Variants in SLCO1A2 observed in about 807,000 individuals in gnomAD.
The protein encoded by SLCO1A2 is OATP-1.
In SLCO1A2, 67 loss-of-function variants were observed where a neutral mutation model predicts 69.0. The observed-to-expected ratio is 0.97, with a 90% CI of 0.80 to 1.19. The LOEUF (loss-of-function observed/expected upper bound fraction) is 1.19. Among genes scored for constraint, SLCO1A2 ranks in the 50% most tolerant of loss-of-function variants. The pLI, the probability that SLCO1A2 is intolerant of heterozygous loss-of-function variation, is 0.00. For missense variants in SLCO1A2, 787 were observed against 793.7 expected (o/e 0.99, Z 0.10); for synonymous variants, 260 against 265.9 (o/e 0.98, Z 0.22).
intron 2 of SLCO1A2, chr12:21,374,306 G>A (rs1049596745): frequency 6.6e-6 from 1 of 152,236 alleles, no homozygotes; most frequent in African/African-American, 2.4e-5. Context: ...ATAACATAGT[G>A]AGGATTTGTT....
At chr12:21,321,392 TTACTC>T (rs1385851145) in intron 2 of SLCO1A2, among the ~76,000 whole-genome samples, 1 of 152,194 alleles carries the variant, frequency 6.6e-6, no homozygotes, top group African/African-American at 2.4e-5. Flanking sequence ...GAAATCCTGT[TTACTC>T]TCCTCTAGCC....
intron 1 of SLCO1A2, among the ~76,000 whole-genome samples, chr12:21,409,237 C>A (rs906430415): frequency 2.6e-5 from 4 of 152,130 alleles, no homozygotes; most frequent in African/African-American, 7.2e-5. Context: ...TCATTAAACT[C>A]TAAGACATGG....
intron 12 of SLCO1A2, among the ~76,000 whole-genome samples, chr12:21,291,246 A>G (rs1489376110): frequency 6.6e-6 from 1 of 152,200 alleles, no homozygotes; most frequent in Non-Finnish European, 1.5e-5. Context: ...ATGAATCGGA[A>G]CAAGACTTAA....
intron 2 of SLCO1A2, among the ~76,000 whole-genome samples, chr12:21,363,103 C>A (rs1419203340): frequency 2.0e-5 from 3 of 152,190 alleles, no homozygotes; most frequent in Admixed American, 1.3e-4. Context: ...TTCTTCTCAG[C>A]AACACATCAC....
At chr12:21,280,303 T>TA (rs998168839) in intron 12 of SLCO1A2, among the ~76,000 whole-genome samples, 16 of 152,052 alleles carry the variant, frequency 1.1e-4, no homozygotes, top group African/African-American at 3.4e-4. Context: ...TGAATGGATT[T>TA]AAAAAAATAC....
At chr12:21,369,656 T>C (rs1939642901) in intron 2 of SLCO1A2, among the ~76,000 whole-genome samples, 1 of 152,202 alleles carries the variant, frequency 6.6e-6, no homozygotes, top group Non-Finnish European at 1.5e-5. Flanking sequence ...GTGTATGCAA[T>C]TGCTAAGGAA....
intron 14 of SLCO1A2, among the ~76,000 whole-genome samples, chr12:21,271,845 T>C (rs1464828021): frequency 6.7e-6 from 1 of 148,592 alleles, no homozygotes; most frequent in Non-Finnish European, 1.5e-5. Context: ...TACATATTTA[T>C]ATACATATAT....
At chr12:21,349,363 C>T (rs891602413) in intron 2 of SLCO1A2, among the ~76,000 whole-genome samples, 6 of 152,102 alleles carry the variant, frequency 3.9e-5, no homozygotes, top group Non-Finnish European at 8.8e-5. Context: ...TTCTACTTTT[C>T]ATGTTTTGGT....
intron 12 of SLCO1A2, among the ~76,000 whole-genome samples, chr12:21,285,635 C>G (rs1176293536): frequency 7.3e-6 from 1 of 136,146 alleles, no homozygotes; most frequent in Admixed American, 7.7e-5. Context: ...CCGAATCCAG[C>G]AGCACATCAA....
chr12:21,358,285 CA>C (rs1206112746), intron 2 of SLCO1A2, among the ~76,000 whole-genome samples: 1 of 152,124 alleles, frequency 6.6e-6, no homozygotes, highest in African/African-American at 2.4e-5. Flanking sequence ...CAGCTTTTTA[CA>C]TAGAAAATAG....
intron 10 of SLCO1A2, chr12:21,295,281 T>C (rs1947531851): frequency 4.6e-6 from 1 of 217,672 alleles, no homozygotes; most frequent in African/African-American, 2.3e-5. Context: ...CATATTTTAA[T>C]ACAACCTGAA....
chr12:21,406,416 A>G (rs1941825387), intron 1 of SLCO1A2, among the ~76,000 whole-genome samples: 2 of 152,250 alleles, frequency 1.3e-5, no homozygotes, highest in African/African-American at 4.8e-5. Context: ...TGGCTTCAAA[A>G]GTAAGGGGAG....
At position 21,294,126 on chromosome 12, in the gene SLCO1A2, A is replaced by C; in HGVS notation, c.1272-16T>G. On this transcript the variant is annotated splice_polypyrimidine_tract_variant and intron_variant, in intron 10 of 14. Transcript: ENST00000683939. The stretch of plus-strand genomic sequence containing the variant: ...TTGTGGAATTCTGAAGTGATTTAAA[A>C]TAATGCCATAGATATTAAAAGAGGA... 1 of 1,560,692 alleles carries C rather than the reference A, an allele frequency of 6.4e-7. No homozygotes were observed. The highest frequency in any genetic ancestry group is 8.7e-7 in the Non-Finnish European group (1 of 1,150,538).
intron 4 of SLCO1A2, among the ~76,000 whole-genome samples, chr12:21,310,886 A>T (rs113943544): frequency 0.048 from 7,233 of 152,194 alleles, 551 homozygotes; most frequent in African/African-American, 0.16. Flanking sequence ...TATAGGCGTG[A>T]GCCACCGCGC....
At chr12:21,318,280 G>A (rs1009008989) in intron 3 of SLCO1A2, among the ~76,000 whole-genome samples, 20 of 151,916 alleles carry the variant, frequency 1.3e-4, no homozygotes, top group Middle Eastern at 3.4e-3. Context: ...CACCATACCC[G>A]GCCAATTTGT....
chr12:21,395,177 A>G (rs149304940), exon 1 of SLCO1A2: 6,839 of 153,948 alleles, frequency 0.044, 162 homozygotes, highest in Middle Eastern at 0.056. Flanking sequence ...CACCGTGCGC[A>G]AGCCAAAGCA....
Position 21,285,719 on chromosome 12 carries a change from A to T in SLCO1A2, c.1610+6445T>A, listed in dbSNP as rs1478732323. 6.3e-4 allele frequency among the ~76,000 whole-genome samples: 93 copies of T among 148,356 alleles called. 1 individual carries two copies. Among genetic ancestry groups the T allele is most frequent in the Non-Finnish European group, 7.7e-4 (52 of 67,258 alleles). On this transcript the variant is annotated intron_variant, in intron 12 of 14. Coordinates refer to ENST00000683939, the MANE Select transcript of SLCO1A2 (RefSeq NM_001386879.1). ...CTGGTTCAATATACGCAAATCAATA[A>T]ATGTAATCCAGCATATAAACAGAGC...
intron 2 of SLCO1A2, among the ~76,000 whole-genome samples, chr12:21,347,936 T>C (rs1046833705): frequency 3.3e-5 from 5 of 152,190 alleles, no homozygotes; most frequent in Admixed American, 6.5e-5. Context: ...CATCTTTAAT[T>C]CTTCATCTCA....
chr12:21,334,839 A>C lies in SLCO1A2; in HGVS notation c.-75T>G. On this transcript the variant is annotated 5_prime_UTR_variant, in exon 1 of 15. The change creates a new upstream start codon in the 5' untranslated region. Coordinates refer to ENST00000683939, the MANE Select transcript of SLCO1A2 (RefSeq NM_001386879.1). ...ATTACAAAAATACCTGGAACGCTTTAATACAGATTAGAAAATCATGGTGTT... is the reference window on the plus strand; with the variant it reads ...ATTACAAAAATACCTGGAACGCTTTCATACAGATTAGAAAATCATGGTGTT... The C allele has an allele frequency of 2.2e-6, 1 of 464,480 alleles. No individual in the cohort carries two copies. The highest frequency in any genetic ancestry group is 3.8e-6 in the Non-Finnish European group (1 of 264,462). The allele number at this position is 464,480 out of a possible 1,614,324, so 28.8% of individuals were successfully genotyped here. A position where few individuals can be genotyped will look rare whatever the true frequency, so the allele number is the denominator to read the frequency against.
Sources: allele counts gnomAD v4.1 joint callset (sites outside exome capture counted in the v4.1 genomes callset), GRCh38; gene constraint gnomAD v4.1.1; transcripts MANE v1.5; gene names NCBI Gene and HGNC (gene_info 2026-07-23, HGNC 2026-07-21).